FAM168A: variants seen among roughly 807,000 people sequenced by gnomAD.
The protein encoded by FAM168A is family with sequence similarity 168 member A.
FAM168A carries 3 observed loss-of-function variants against 28.5 expected under a neutral mutation model. The ratio of observed to expected loss-of-function variants is 0.11; its 90% CI spans 0.05 to 0.27. The LOEUF is 0.27. Ranked by LOEUF, FAM168A falls within the 10% of genes least tolerant of loss-of-function variation. The pLI, the probability that FAM168A is intolerant of heterozygous loss-of-function variation, is 1.00. For synonymous variants in FAM168A, 122 were observed against 124.2 expected (o/e 0.98, Z 0.12); for missense variants, 222 against 311.5 (o/e 0.71, Z 2.16).
chr11:73,534,960 T>C (rs781639341), intron 1 of FAM168A, among the ~76,000 whole-genome samples: 6 of 152,086 alleles, frequency 3.9e-5, no homozygotes, highest in Non-Finnish European at 7.4e-5. Flanking sequence ...ACAGCCTTGT[T>C]CTCCCACTTA....
At chr11:73,492,421 G>A (rs939532901) in intron 1 of FAM168A, among the ~76,000 whole-genome samples, 2 of 152,068 alleles carry the variant, frequency 1.3e-5, no homozygotes, top group Admixed American at 6.6e-5. Context: ...CTGAGGCAGT[G>A]GATCCCTTGA....
intron 1 of FAM168A, among the ~76,000 whole-genome samples, chr11:73,526,173 T>A (rs551518830): frequency 6.6e-5 from 10 of 152,292 alleles, no homozygotes; most frequent in Admixed American, 6.5e-4. Context: ...TGATGAGAGA[T>A]GAAGAACCCA....
At chr11:73,421,348 T>A (rs1437647640) in intron 3 of FAM168A, among the ~76,000 whole-genome samples, 1 of 152,238 alleles carries the variant, frequency 6.6e-6, no homozygotes, top group Non-Finnish European at 1.5e-5. Flanking sequence ...GCTGTTTTTG[T>A]TGAACCAAGG....
At chr11:73,577,638 C>G (rs1944192186) in intron 1 of FAM168A, among the ~76,000 whole-genome samples, 1 of 152,194 alleles carries the variant, frequency 6.6e-6, no homozygotes, top group East Asian at 1.9e-4. Context: ...TCCACCACCA[C>G]CACTTCACAC....
chr11:73,449,268 C>A (rs1295043383), intron 2 of FAM168A, among the ~76,000 whole-genome samples: 10 of 152,200 alleles, frequency 6.6e-5, no homozygotes, highest in Admixed American at 5.9e-4. Context: ...CCGCACCTGG[C>A]CTAAGCTACT....
At chr11:73,480,660 T>C (rs1323590814) in intron 1 of FAM168A, among the ~76,000 whole-genome samples, 1 of 152,110 alleles carries the variant, frequency 6.6e-6, no homozygotes, top group Non-Finnish European at 1.5e-5. Context: ...CTTTTATAGC[T>C]TATGAAGAGA....
chr11:73,411,045 A>G (rs762566023), intron 5 of FAM168A, among the ~76,000 whole-genome samples: 1 of 152,344 alleles, frequency 6.6e-6, no homozygotes, highest in African/African-American at 2.4e-5. Flanking sequence ...ACCTTGACCA[A>G]CCAATAGCTC....
intron 1 of FAM168A, among the ~76,000 whole-genome samples, chr11:73,589,612 A>C (rs1239604365): frequency 6.6e-6 from 1 of 152,196 alleles, no homozygotes; most frequent in Admixed American, 6.5e-5. Flanking sequence ...ATCAAAGAGG[A>C]ATATCCACAA....
At chr11:73,516,470 C>T (rs1164951320) in intron 1 of FAM168A, among the ~76,000 whole-genome samples, 1 of 152,170 alleles carries the variant, frequency 6.6e-6, no homozygotes, top group Admixed American at 6.5e-5. Flanking sequence ...CCCTCCATCC[C>T]TATACTATGA....
At chr11:73,537,812 C>G (rs992057861) in intron 1 of FAM168A, among the ~76,000 whole-genome samples, 4 of 152,180 alleles carry the variant, frequency 2.6e-5, no homozygotes, top group Non-Finnish European at 5.9e-5. Flanking sequence ...CTGCCCCAAG[C>G]CTTCACTTCC....
chr11:73,518,310 C>G (rs1943331197), intron 1 of FAM168A, among the ~76,000 whole-genome samples: 1 of 152,000 alleles, frequency 6.6e-6, no homozygotes, highest in African/African-American at 2.4e-5. Context: ...GTTTGGAAAT[C>G]TGACCTTCCA....
chr11:73,535,907 C>T (rs533679188), intron 1 of FAM168A, among the ~76,000 whole-genome samples: 2 of 150,850 alleles, frequency 1.3e-5, no homozygotes, highest in South Asian at 4.2e-4. Flanking sequence ...TTCACTCTGT[C>T]ACTCATGGCT....
At chr11:73,435,732 G>A (rs1867075739) in intron 2 of FAM168A, among the ~76,000 whole-genome samples, 1 of 152,138 alleles carries the variant, frequency 6.6e-6, no homozygotes, top group African/African-American at 2.4e-5. Flanking sequence ...AGGATTGCTT[G>A]AGCTCAGGAT....
chr11:73,506,330 A>G (rs1855114358), intron 1 of FAM168A, among the ~76,000 whole-genome samples: 1 of 152,136 alleles, frequency 6.6e-6, no homozygotes, highest in Non-Finnish European at 1.5e-5. Context: ...GATCTATAGA[A>G]ATAAGAAGAA....
At chr11:73,575,289 A>G (rs1461111159) in intron 1 of FAM168A, among the ~76,000 whole-genome samples, 1 of 152,216 alleles carries the variant, frequency 6.6e-6, no homozygotes, top group East Asian at 1.9e-4. Context: ...GCTGTAAAAC[A>G]AGATTAAATG....
At chr11:73,541,508 G>A (rs1943657253) in intron 1 of FAM168A, among the ~76,000 whole-genome samples, 1 of 151,932 alleles carries the variant, frequency 6.6e-6, no homozygotes, top group South Asian at 2.1e-4. Flanking sequence ...GAGCAGCTGG[G>A]ACTACAGGCG....
intron 1 of FAM168A, among the ~76,000 whole-genome samples, chr11:73,564,061 A>G (rs1194134994): frequency 6.6e-6 from 1 of 152,216 alleles, no homozygotes; most frequent in Non-Finnish European, 1.5e-5. Flanking sequence ...TAGCAGCTCC[A>G]GCCACACACC....
intron 1 of FAM168A, among the ~76,000 whole-genome samples, chr11:73,556,181 CCAA>C (rs1943887281): frequency 6.7e-6 from 1 of 150,286 alleles, no homozygotes; most frequent in African/African-American, 2.5e-5. Context: ...CCTGGTTCTA[CCAA>C]AAAAAATTTT....
At chr11:73,498,299 G>A (rs1565271978) in intron 1 of FAM168A, among the ~76,000 whole-genome samples, 1 of 152,166 alleles carries the variant, frequency 6.6e-6, no homozygotes, top group Non-Finnish European at 1.5e-5. Context: ...GCCCACTCAA[G>A]AGCTGCACAG....
Sources: gnomAD v4.1 joint callset for allele counts (sites outside exome capture counted in the v4.1 genomes callset) on GRCh38, gnomAD v4.1.1 for gene constraint, MANE v1.5 for transcripts, NCBI Gene and HGNC (gene_info 2026-07-23, HGNC 2026-07-21) for gene names.